Variants in NXPE4 observed in about 807,000 individuals in gnomAD.
NXPE4 encodes the protein neurexophilin and PC-esterase domain family member 4, also known as NXPE family member 4.
In NXPE4, 42 loss-of-function variants were observed where a neutral mutation model predicts 33.3. That is an observed-to-expected ratio of 1.26 (90% CI 0.98 to 1.63). NXPE4 has a LOEUF of 1.63. Ranked by LOEUF, NXPE4 falls within the 40% of genes most tolerant of loss-of-function variation. The pLI is 0.00. For missense variants in NXPE4, 709 were observed against 647.6 expected, an observed-to-expected ratio of 1.09 and a Z score of -1.03; for synonymous variants, 253 against 234.9, an observed-to-expected ratio of 1.08 and a Z score of -0.71.
At chr11:114,603,718 C>A in the NXPE4 span, among the ~76,000 whole-genome samples, 2 of 151,632 alleles carry the variant, frequency 1.3e-5, no homozygotes, top group African/African-American at 2.4e-5. Flanking sequence ...GCCTCGTCTC[C>A]TAGTTAACTC....
the NXPE4 span, among the ~76,000 whole-genome samples, chr11:114,656,858 C>T: frequency 2.6e-5 from 4 of 152,000 alleles, no homozygotes; most frequent in Admixed American, 6.6e-5. Flanking sequence ...TTTGGGAGGC[C>T]GAGATGGGCA....
At chr11:114,604,312 C>G in the NXPE4 span, among the ~76,000 whole-genome samples, 1 of 151,902 alleles carries the variant, frequency 6.6e-6, no homozygotes, top group African/African-American at 2.4e-5. Flanking sequence ...CAATTCTTAC[C>G]CTGTGGAAAA....
intron 3 of NXPE4, among the ~76,000 whole-genome samples, 190 bp from the exon 4 acceptor site, chr11:114,581,976 T>C (rs1197138810): frequency 6.6e-6 from 1 of 152,236 alleles, no homozygotes; most frequent in African/African-American, 2.4e-5. Flanking sequence ...CCAGAAGGTA[T>C]GCAAGAGAAT....
At chr11:114,601,919 TATA>T in the NXPE4 span, among the ~76,000 whole-genome samples, 3 of 35,600 alleles carry the variant, frequency 8.4e-5, no homozygotes, top group Non-Finnish European at 1.6e-4. Flanking sequence ...TATAATTATA[TATA>T]ATATATTTAT....
chr11:114,630,893 C>T, the NXPE4 span, among the ~76,000 whole-genome samples: 1 of 151,748 alleles, frequency 6.6e-6, no homozygotes, highest in East Asian at 1.9e-4. Flanking sequence ...TAAAAGAAGA[C>T]ATTTATGCAG....
chr11:114,634,689 T>C, the NXPE4 span, among the ~76,000 whole-genome samples: 35 of 152,040 alleles, frequency 2.3e-4, no homozygotes, highest in African/African-American at 8.0e-4. Context: ...TATCGCTAGT[T>C]GGTTTTCCCA....
intron 5 of NXPE4, among the ~76,000 whole-genome samples, chr11:114,573,181 G>T (rs1016124912): frequency 2.0e-5 from 3 of 152,064 alleles, no homozygotes; most frequent in African/African-American, 7.2e-5. Context: ...GTACCAGCAA[G>T]CACTACAATA....
chr11:114,644,825 T>A, the NXPE4 span, among the ~76,000 whole-genome samples: 23 of 145,230 alleles, frequency 1.6e-4, no homozygotes, highest in East Asian at 1.8e-3. Context: ...GATATCAATT[T>A]AAAAAAAAAA....
chr11:114,677,008 A>G, the NXPE4 span, among the ~76,000 whole-genome samples: 2 of 152,056 alleles, frequency 1.3e-5, no homozygotes, highest in African/African-American at 4.8e-5. Flanking sequence ...AAATGGGCCA[A>G]TCACAGAACA....
the NXPE4 span, among the ~76,000 whole-genome samples, chr11:114,638,511 A>G: frequency 1.3e-5 from 2 of 152,020 alleles, no homozygotes; most frequent in African/African-American, 2.4e-5. Context: ...CTGGTGAGGA[A>G]CTGTGTTCCT....
chr11:114,635,633 T>C, the NXPE4 span, among the ~76,000 whole-genome samples: 18 of 151,990 alleles, frequency 1.2e-4, no homozygotes, highest in African/African-American at 3.9e-4. Flanking sequence ...TTTTGAGATA[T>C]GTCCCATCAA....
chr11:114,637,024 C>T, the NXPE4 span, among the ~76,000 whole-genome samples: 5 of 152,196 alleles, frequency 3.3e-5, no homozygotes, highest in African/African-American at 4.8e-5. Context: ...TCGTTGTTGA[C>T]TTTCTGTCTC....
chr11:114,584,060 C>T (rs775298812), intron 2 of NXPE4: 1 of 311,236 alleles, frequency 3.2e-6, no homozygotes, highest in Non-Finnish European at 6.3e-6. Context: ...GTCTAGGGGT[C>T]ACTTAGATTG....
the NXPE4 span, among the ~76,000 whole-genome samples, chr11:114,607,674 G>A: frequency 6.6e-6 from 1 of 151,146 alleles, no homozygotes; most frequent in Admixed American, 6.6e-5. Flanking sequence ...GATAATAAGT[G>A]TTGAGTTGCG....
intron 1 of NXPE4, among the ~76,000 whole-genome samples, chr11:114,595,372 G>A (rs546756512): frequency 2.0e-5 from 3 of 151,932 alleles, no homozygotes; most frequent in Non-Finnish European, 2.9e-5. Context: ...TCTTTGCACC[G>A]GAATTCCAAG....
intron 2 of NXPE4, among the ~76,000 whole-genome samples, chr11:114,590,871 C>A (rs1363752490): frequency 2.0e-5 from 3 of 152,164 alleles, no homozygotes; most frequent in South Asian, 2.1e-4. Context: ...TTATGGGGAA[C>A]CTTTGGCTAA....
the NXPE4 span, among the ~76,000 whole-genome samples, chr11:114,605,347 G>T: frequency 6.6e-6 from 1 of 151,804 alleles, no homozygotes; most frequent in Non-Finnish European, 1.5e-5. Flanking sequence ...TGCCTCGTGG[G>T]TGACCACTGT....
At chr11:114,634,465 T>C in the NXPE4 span, among the ~76,000 whole-genome samples, 1 of 152,152 alleles carries the variant, frequency 6.6e-6, no homozygotes, top group Non-Finnish European at 1.5e-5. Flanking sequence ...CTCTTTAGTT[T>C]AGTTAGATCC....
At chr11:114,634,688 T>C in the NXPE4 span, among the ~76,000 whole-genome samples, 34 of 152,062 alleles carry the variant, frequency 2.2e-4, no homozygotes, top group African/African-American at 7.7e-4. Flanking sequence ...ATATCGCTAG[T>C]TGGTTTTCCC....
Sources: allele counts gnomAD v4.1 joint callset (sites outside exome capture counted in the v4.1 genomes callset), GRCh38; gene constraint gnomAD v4.1.1; transcripts MANE v1.5; gene names NCBI Gene and HGNC (gene_info 2026-07-23, HGNC 2026-07-21).